The following FMN2 variants were observed in gnomAD, a reference collection of about 807,000 sequenced individuals.
FMN2 encodes the protein formin-2.
Under a neutral mutation model 142.3 loss-of-function variants are expected in FMN2, and 51 were observed. That is an observed-to-expected ratio of 0.36 (90% CI 0.29 to 0.45). The LOEUF (loss-of-function observed/expected upper bound fraction) is 0.45, where lower values mean the gene tolerates loss of function less well. FMN2 is among the 20% of genes least tolerant of loss of function. The pLI, the probability that FMN2 is intolerant of heterozygous loss-of-function variation, is 1.00. For missense variants in FMN2, 1,936 were observed against 2,122.8 expected (o/e 0.91, Z 1.73); for synonymous variants, 882 against 869.8 (o/e 1.01, Z -0.25).
At chr1:240,236,615 G>A (rs1374360384) in intron 6 of FMN2, among the ~76,000 whole-genome samples, 3 of 152,204 alleles carry the variant, frequency 2.0e-5, no homozygotes, top group African/African-American at 7.2e-5. Context: ...ACGGCAGAAG[G>A]TGAAGAGGGG....
intron 8 of FMN2, among the ~76,000 whole-genome samples, chr1:240,305,573 A>G (rs1001277789): frequency 3.3e-5 from 5 of 152,176 alleles, no homozygotes; most frequent in African/African-American, 1.2e-4. Context: ...AGGACATTTT[A>G]AACTATATTC....
At chr1:240,419,714 A>G (rs573373782) in intron 15 of FMN2, among the ~76,000 whole-genome samples, 138 of 152,236 alleles carry the variant, frequency 9.1e-4, no homozygotes, top group African/African-American at 3.0e-3. Flanking sequence ...TAGGGGAAAC[A>G]TTACAGTGTA....
chr1:240,209,323 C>T (rs532625941), intron 5 of FMN2, among the ~76,000 whole-genome samples: 19 of 151,610 alleles, frequency 1.3e-4, no homozygotes, highest in African/African-American at 1.9e-4. Flanking sequence ...CAGCCTCGGC[C>T]CACTGCAAGC....
chr1:240,180,566 C>CTTTCTTTTTTT (rs377033509), intron 3 of FMN2, among the ~76,000 whole-genome samples: 6 of 126,180 alleles, frequency 4.8e-5, no homozygotes, highest in Non-Finnish European at 6.5e-5. Flanking sequence ...CACATGACCC[C>CTTTCTTTTTTT]TTTTTTTTTT....
intron 16 of FMN2, among the ~76,000 whole-genome samples, chr1:240,449,517 A>G (rs1675933037): frequency 6.6e-6 from 1 of 152,240 alleles, no homozygotes; most frequent in South Asian, 2.1e-4. Context: ...TCTAGTGAGC[A>G]GATACCCAGT....
chr1:240,330,859 A>C, intron 11 of FMN2, 110 bp downstream of exon 11: 2 of 1,285,516 alleles, frequency 1.6e-6, no homozygotes, highest in South Asian at 1.8e-5. Context: ...CCTAGGTCAA[A>C]TGCTTCTTTA....
intron 14 of FMN2, among the ~76,000 whole-genome samples, chr1:240,371,755 G>C (rs982038991): frequency 2.0e-5 from 3 of 152,078 alleles, no homozygotes; most frequent in Non-Finnish European, 4.4e-5. Flanking sequence ...TTGGGCATTT[G>C]GATCATTAGG....
At chr1:240,234,286 T>TA (rs1225674037) in intron 6 of FMN2, among the ~76,000 whole-genome samples, 5 of 152,108 alleles carry the variant, frequency 3.3e-5, no homozygotes, top group Admixed American at 2.0e-4. Flanking sequence ...CCATGATTCT[T>TA]ACCTTCTTCC....
At chr1:240,453,805 A>T (rs1337182066) in intron 16 of FMN2, among the ~76,000 whole-genome samples, 1 of 60,860 alleles carries the variant, frequency 1.6e-5, no homozygotes. Flanking sequence ...CTGGCTAACA[A>T]GGTGAAACCC....
chr1:240,185,040 C>G (rs1334967805), intron 3 of FMN2, among the ~76,000 whole-genome samples: 33 of 145,710 alleles, frequency 2.3e-4, no homozygotes, highest in African/African-American at 8.6e-4. Flanking sequence ...CTTCCCCCTT[C>G]TCTTTCTCCC....
chr1:240,302,720 C>T (rs902861672), intron 8 of FMN2, among the ~76,000 whole-genome samples: 1 of 152,020 alleles, frequency 6.6e-6, no homozygotes, highest in Non-Finnish European at 1.5e-5. Context: ...TCTTTCAAAA[C>T]CAGTTTTCCA....
At chr1:240,436,142 G>A (rs74151683) in intron 15 of FMN2, among the ~76,000 whole-genome samples, 16,116 of 152,144 alleles carry the variant, frequency 0.11, 2,025 homozygotes, top group African/African-American at 0.31. Flanking sequence ...ATTCCGCCAG[G>A]TGCATTCTAA....
intron 13 of FMN2, among the ~76,000 whole-genome samples, chr1:240,336,946 A>G (rs775475604): frequency 6.6e-6 from 1 of 152,064 alleles, no homozygotes; most frequent in African/African-American, 2.4e-5. Context: ...GACTTGAGGA[A>G]GGAAATCTTA....
At chr1:240,154,553 T>G (rs926099078) in intron 2 of FMN2, 6 of 152,226 alleles carry the variant, frequency 3.9e-5, no homozygotes, top group African/African-American at 1.4e-4. Context: ...CAGGGATGGG[T>G]GATACCTGTT....
At chr1:240,139,903 G>A (rs186437189) in intron 2 of FMN2, among the ~76,000 whole-genome samples, 11 of 152,318 alleles carry the variant, frequency 7.2e-5, no homozygotes, top group Admixed American at 6.5e-4. Context: ...AGGCTACAAA[G>A]TCAGAAGACC....
intron 2 of FMN2, among the ~76,000 whole-genome samples, chr1:240,148,522 A>AAGGAGAGAGAGG (rs1303651905): frequency 6.6e-6 from 1 of 152,094 alleles, no homozygotes; most frequent in Admixed American, 6.6e-5. Context: ...GGAGAGAGAG[A>AAGGAGAGAGAGG]GACTGAGACT....
At chr1:240,402,372 C>T (rs1038124497) in intron 15 of FMN2, among the ~76,000 whole-genome samples, 8 of 152,326 alleles carry the variant, frequency 5.3e-5, no homozygotes, top group African/African-American at 9.6e-5. Flanking sequence ...ACTTTGAGCT[C>T]CTTTTTCACA....
intron 10 of FMN2, among the ~76,000 whole-genome samples, chr1:240,329,919 G>A (rs1056838243): frequency 4.0e-5 from 6 of 151,774 alleles, no homozygotes; most frequent in South Asian, 2.1e-4. Flanking sequence ...ATATTCTTCC[G>A]AAAACAAAAA....
At chr1:240,395,849 T>C (rs1470060694) in intron 15 of FMN2, among the ~76,000 whole-genome samples, 2 of 152,196 alleles carry the variant, frequency 1.3e-5, no homozygotes, top group South Asian at 2.1e-4. Context: ...ATCAACTTAG[T>C]TGACAAAGCA....
Sources: gnomAD v4.1 joint callset for allele counts (sites outside exome capture counted in the v4.1 genomes callset) on GRCh38, gnomAD v4.1.1 for gene constraint, MANE v1.5 for transcripts, NCBI Gene and HGNC (gene_info 2026-07-23, HGNC 2026-07-21) for gene names.